The following IL1RAPL1 variants were observed in gnomAD, a reference collection of about 807,000 sequenced individuals.
The protein encoded by IL1RAPL1 is interleukin 1 receptor accessory protein like 1.
In IL1RAPL1, 3 loss-of-function variants were observed where a neutral mutation model predicts 48.4. The observed-to-expected ratio is 0.06, with a 90% CI of 0.03 to 0.16. The LOEUF (loss-of-function observed/expected upper bound fraction) is 0.16. IL1RAPL1 is among the 10% of genes least tolerant of loss of function. The pLI is 1.00. For synonymous variants in IL1RAPL1, 185 were observed against 187.7 expected, an observed-to-expected ratio of 0.99 and a Z score of 0.12; for missense variants, 349 against 530.6, an observed-to-expected ratio of 0.66 and a Z score of 3.36.
intron 2 of IL1RAPL1, among the ~76,000 whole-genome samples, chrX:28,897,624 A>G (rs962609001): frequency 1.8e-5 from 2 of 112,072 alleles, no homozygotes; most frequent in African/African-American, 6.5e-5. Flanking sequence ...TCGTAGGTGG[A>G]TCTTTCTCAT....
intron 2 of IL1RAPL1, among the ~76,000 whole-genome samples, chrX:29,060,437 C>T (rs1208340237): frequency 9.0e-6 from 1 of 111,674 alleles, no homozygotes; most frequent in Non-Finnish European, 1.9e-5. Context: ...TATCCATGCC[C>T]ACAATATAGC....
chrX:29,152,412 A>G (rs1158081708), intron 2 of IL1RAPL1, among the ~76,000 whole-genome samples: 2 of 111,359 alleles, frequency 1.8e-5, no homozygotes, highest in South Asian at 3.7e-4. Context: ...CCTTTCTCAT[A>G]TTGTCTCCTT....
chrX:29,215,168 C>T (rs1373982011), intron 2 of IL1RAPL1, among the ~76,000 whole-genome samples: 6 of 109,623 alleles, frequency 5.5e-5, no homozygotes, highest in Admixed American at 2.9e-4. Flanking sequence ...GCCAACATGG[C>T]GAAACCCCGT....
At chrX:29,122,326 A>T (rs1382017193) in intron 2 of IL1RAPL1, among the ~76,000 whole-genome samples, 2 of 109,642 alleles carry the variant, frequency 1.8e-5, no homozygotes, top group African/African-American at 6.6e-5. Context: ...GTAAGAGTTA[A>T]TTACTCTGAA....
chrX:28,771,943 A>G (rs1936312729), intron 1 of IL1RAPL1, among the ~76,000 whole-genome samples: 1 of 108,395 alleles, frequency 9.2e-6, no homozygotes, highest in Non-Finnish European at 1.9e-5. Flanking sequence ...GTCTCAAAAA[A>G]AAAAAAAAAA....
intron 2 of IL1RAPL1, among the ~76,000 whole-genome samples, chrX:28,833,295 G>A (rs1921118084): frequency 9.0e-6 from 1 of 111,581 alleles, no homozygotes; most frequent in Non-Finnish European, 1.9e-5. Flanking sequence ...GAGGGTGCAT[G>A]TGTCTTTTTG....
chrX:29,536,150 T>A (rs1485759224), intron 5 of IL1RAPL1, among the ~76,000 whole-genome samples: 2 of 112,051 alleles, frequency 1.8e-5, no homozygotes, highest in Non-Finnish European at 3.8e-5. Context: ...GAAAAATTTT[T>A]AAAAGTAAAT....
At chrX:29,099,620 T>A (rs988999341) in intron 2 of IL1RAPL1, among the ~76,000 whole-genome samples, 1 of 111,797 alleles carries the variant, frequency 8.9e-6, no homozygotes, top group Non-Finnish European at 1.9e-5. Flanking sequence ...CCATGTGTTA[T>A]TACCTCCGTT....
At chrX:29,434,359 C>A (rs1934457090) in intron 5 of IL1RAPL1, among the ~76,000 whole-genome samples, 1 of 110,015 alleles carries the variant, frequency 9.1e-6, no homozygotes, top group African/African-American at 3.3e-5. Context: ...TTTAAAAAAA[C>A]AGATTTTATG....
At position 29,672,805 on chromosome X, in the gene IL1RAPL1, G is replaced by A. The variant is rs185314688; in HGVS notation, c.778+4301G>A. Among the ~76,000 whole-genome samples, 397 of 111,550 alleles carry A rather than the reference G, an allele frequency of 3.6e-3. 2 individuals carry two copies. Among genetic ancestry groups the A allele is most frequent in the Non-Finnish European group, 5.4e-3 (284 of 53,032 alleles). On this transcript the variant is annotated intron_variant, in intron 6 of 10. Coordinates refer to ENST00000378993, the MANE Select transcript of IL1RAPL1 (RefSeq NM_014271.4). ...ACTGAACTGTGTAAGCTGCCCAACC[G>A]TGCTCTTATTTTTCTTTACTAATTT...
chrX:29,443,056 A>G (rs1934566984), intron 5 of IL1RAPL1, among the ~76,000 whole-genome samples: 1 of 111,005 alleles, frequency 9.0e-6, no homozygotes, highest in Non-Finnish European at 1.9e-5. Flanking sequence ...AATCCCCACC[A>G]TTATACGATG....
At chrX:28,828,773 G>A (rs1398207226) in intron 2 of IL1RAPL1, among the ~76,000 whole-genome samples, 1 of 111,840 alleles carries the variant, frequency 8.9e-6, no homozygotes, top group Non-Finnish European at 1.9e-5. Context: ...TTTGAAATTG[G>A]GAAATATGAG....
intron 5 of IL1RAPL1, among the ~76,000 whole-genome samples, chrX:29,457,074 C>T (rs1440323318): frequency 9.1e-6 from 1 of 109,963 alleles, no homozygotes; most frequent in Non-Finnish European, 1.9e-5. Flanking sequence ...ATCTAGTTTG[C>T]AGTGAGCCGT....
intron 1 of IL1RAPL1, among the ~76,000 whole-genome samples, chrX:28,690,010 C>T (rs1308060889): frequency 1.8e-5 from 2 of 111,938 alleles, no homozygotes; most frequent in African/African-American, 3.3e-5. Flanking sequence ...CCCTTTTCAA[C>T]CTTGCCCTGG....
rs188495902 is a variant in IL1RAPL1 at position 29,803,366 on chromosome X, T to C, written c.779-114098T>C. Among the ~76,000 whole-genome samples the C allele has an allele frequency of 3.0e-3, 246 of 82,380 alleles. 5 individuals carry two copies. Among genetic ancestry groups the C allele is most frequent in the Non-Finnish European group, 4.7e-3 (202 of 42,958 alleles). 71.5% of individuals were successfully genotyped at this position (82,380 alleles called of 115,157 possible). ...GTATATATGTATACATGTATACACA[T>C]ATGTATATATGTATACATGTATACA... is the stretch of plus-strand genomic sequence containing the variant. On this transcript the variant is annotated intron_variant, in intron 6 of 10. Coordinates refer to ENST00000378993, the MANE Select transcript of IL1RAPL1 (RefSeq NM_014271.4).
In IL1RAPL1 at chrX:29,006,141, G is replaced by A. The variant is rs192160964; in HGVS notation, c.82+216716G>A. 4.5e-3 allele frequency among the ~76,000 whole-genome samples: 504 copies of A among 111,095 alleles called. 3 individuals are homozygous for A. Among genetic ancestry groups the A allele is most frequent in the African/African-American group, 0.016 (481 of 30,554 alleles). Reference sequence around the variant, plus strand: ...CTCCTGCCAGCTGGGTGTGGCCAGTGAGGAACACCAGAAAATTAATGAAAG... The same window carrying A: ...CTCCTGCCAGCTGGGTGTGGCCAGTAAGGAACACCAGAAAATTAATGAAAG... On this transcript the variant is annotated intron_variant, in intron 2 of 10. Coordinates refer to ENST00000378993, the MANE Select transcript of IL1RAPL1 (RefSeq NM_014271.4).
At chrX:28,934,951 G>T (rs1248035718) in intron 2 of IL1RAPL1, among the ~76,000 whole-genome samples, 1 of 111,016 alleles carries the variant, frequency 9.0e-6, no homozygotes, top group Non-Finnish European at 1.9e-5. Flanking sequence ...TTCCAAAGAG[G>T]ATGCACCATT....
chrX:29,072,001 A>C (rs1216661975), intron 2 of IL1RAPL1, among the ~76,000 whole-genome samples: 3 of 111,412 alleles, frequency 2.7e-5, no homozygotes. Context: ...CGGCAATGGA[A>C]GACTTACAAG....
chrX:29,704,626 G>A (rs57595785), intron 6 of IL1RAPL1, among the ~76,000 whole-genome samples: 10,118 of 110,788 alleles, frequency 0.091, 679 homozygotes, highest in East Asian at 0.27. Flanking sequence ...CCGAGATGGC[G>A]CCACTGCACT....
Sources: allele counts gnomAD v4.1 joint callset (sites outside exome capture counted in the v4.1 genomes callset), GRCh38; gene constraint gnomAD v4.1.1; transcripts MANE v1.5; gene names NCBI Gene and HGNC (gene_info 2026-07-23, HGNC 2026-07-21).